The following SLC44A5 variants were observed in gnomAD, a reference collection of about 807,000 sequenced individuals.
The protein encoded by SLC44A5 is choline transporter-like protein 5.
SLC44A5 carries 57 observed loss-of-function variants against 101.8 expected under a neutral mutation model. The ratio of observed to expected loss-of-function variants is 0.56; its 90% CI spans 0.45 to 0.70. The LOEUF is 0.70. SLC44A5 is among the 30% of genes least tolerant of loss of function. The pLI is 0.00. For missense variants in SLC44A5, 737 were observed against 853.1 expected, an observed-to-expected ratio of 0.86 and a Z score of 1.70; for synonymous variants, 281 against 290.9, an observed-to-expected ratio of 0.97 and a Z score of 0.35.
At chr1:75,522,362 A>ATTTT (rs1304885062) in intron 2 of SLC44A5, 9 of 151,518 alleles carry the variant, frequency 5.9e-5, no homozygotes, top group African/African-American at 2.2e-4. Context: ...TTTTTTAAAA[A>ATTTT]AAAAAAAAGA....
At position 75,288,987 on chromosome 1, in the gene SLC44A5, A is replaced by G. The variant is rs79703382; in HGVS notation, c.175+11625T>C. The stretch of plus-strand genomic sequence containing the variant: ...TAAGATCTGGGGAATAGTGGTTAGC[A>G]TATAATCTTGATGCCTTATAAAGAC... On this transcript the variant is annotated intron_variant, in intron 5 of 23. Transcript: ENST00000370859. Among the ~76,000 whole-genome samples, 760 of 152,326 alleles carry G rather than the reference A, an allele frequency of 5.0e-3. 8 individuals carry two copies. Among genetic ancestry groups the G allele is most frequent in the African/African-American group, 0.018 (732 of 41,580 alleles).
chr1:75,419,487 T>C (rs1481332369), intron 2 of SLC44A5, among the ~76,000 whole-genome samples: 6 of 149,312 alleles, frequency 4.0e-5, no homozygotes, highest in Non-Finnish European at 8.9e-5. Context: ...AAAAAAGGAC[T>C]GTTCGTGTGA....
chr1:75,474,953 T>C (rs1294977975), intron 2 of SLC44A5, among the ~76,000 whole-genome samples: 1 of 152,218 alleles, frequency 6.6e-6, no homozygotes, highest in East Asian at 1.9e-4. Context: ...AGACCTCTGG[T>C]AAGAGAGCAG....
intron 1 of SLC44A5, among the ~76,000 whole-genome samples, chr1:75,606,695 T>C (rs989307184): frequency 2.6e-5 from 4 of 152,028 alleles, no homozygotes; most frequent in African/African-American, 7.2e-5. Flanking sequence ...TTGACTTTCA[T>C]ATTAATTAAT....
chr1:75,488,039 A>G (rs1668244582), intron 2 of SLC44A5, among the ~76,000 whole-genome samples: 1 of 152,206 alleles, frequency 6.6e-6, no homozygotes, highest in South Asian at 2.1e-4. Context: ...TATGCTTCTT[A>G]TGAGAATCTA....
chr1:75,270,966 G>A (rs1370248887), intron 6 of SLC44A5, among the ~76,000 whole-genome samples: 1 of 152,110 alleles, frequency 6.6e-6, no homozygotes, highest in Non-Finnish European at 1.5e-5. Flanking sequence ...ACTAGAGATT[G>A]AGAGATTTGT....
At chr1:75,637,908 A>T in the SLC44A5 span, among the ~76,000 whole-genome samples, 1 of 152,042 alleles carries the variant, frequency 6.6e-6, no homozygotes, top group Non-Finnish European at 1.5e-5. Context: ...AGATATTAAA[A>T]TAGTGCTTGA....
At chr1:75,217,749 G>T in intron 18 of SLC44A5, 117 bp downstream of exon 18, 1 of 710,532 alleles carries the variant, frequency 1.4e-6, no homozygotes, top group Admixed American at 2.4e-5. Flanking sequence ...AACAGAACGG[G>T]TCCCAAATAT....
chr1:75,393,120 C>T (rs1661902599), intron 3 of SLC44A5, among the ~76,000 whole-genome samples: 1 of 152,124 alleles, frequency 6.6e-6, no homozygotes, highest in Admixed American at 6.6e-5. Flanking sequence ...ATGCAATATA[C>T]TCTTGTAACA....
chr1:75,650,732 A>G, the SLC44A5 span, among the ~76,000 whole-genome samples: 1 of 152,088 alleles, frequency 6.6e-6, no homozygotes, highest in African/African-American at 2.4e-5. Flanking sequence ...CGATTCTCCC[A>G]CCTCAGCCTC....
At chr1:75,450,930 G>A (rs574619960) in intron 2 of SLC44A5, among the ~76,000 whole-genome samples, 1 of 152,300 alleles carries the variant, frequency 6.6e-6, no homozygotes, top group South Asian at 2.1e-4. Context: ...GACTTAGAGT[G>A]TGTTACAGCA....
chr1:75,426,581 T>TA (rs1664320998), intron 2 of SLC44A5, among the ~76,000 whole-genome samples: 1 of 152,222 alleles, frequency 6.6e-6, no homozygotes, highest in Non-Finnish European at 1.5e-5. Flanking sequence ...TTTGTCTTCC[T>TA]AAAAAAATTA....
chr1:75,507,005 G>A (rs1445749323), intron 2 of SLC44A5, among the ~76,000 whole-genome samples: 1 of 147,948 alleles, frequency 6.8e-6, no homozygotes, highest in Non-Finnish European at 1.5e-5. Context: ...TGCCTCCCAG[G>A]CTAAGTGATC....
chr1:75,299,350 C>T (rs1654235907), intron 5 of SLC44A5, among the ~76,000 whole-genome samples: 1 of 152,116 alleles, frequency 6.6e-6, no homozygotes, highest in African/African-American at 2.4e-5. Context: ...GTAGCTTTTG[C>T]ATGGCAATAT....
intron 1 of SLC44A5, among the ~76,000 whole-genome samples, chr1:75,544,262 A>G (rs979250134): frequency 6.6e-6 from 1 of 152,118 alleles, no homozygotes; most frequent in Admixed American, 6.5e-5. Context: ...TTCTGCCATT[A>G]TGATACAGCA....
chr1:75,418,366 G>A (rs531088644), intron 2 of SLC44A5, among the ~76,000 whole-genome samples: 3 of 152,318 alleles, frequency 2.0e-5, no homozygotes, highest in East Asian at 3.9e-4. Flanking sequence ...CAAAGAAAAC[G>A]TAACTAGTAA....
chr1:75,642,423 T>C, the SLC44A5 span, among the ~76,000 whole-genome samples: 2 of 152,250 alleles, frequency 1.3e-5, no homozygotes, highest in East Asian at 3.9e-4. Context: ...GTCAAGCCCA[T>C]TCAGGTCTAG....
intron 9 of SLC44A5, 95 bp downstream of exon 9, chr1:75,241,906 T>C (rs1239856633): frequency 3.7e-6 from 4 of 1,085,082 alleles, no homozygotes; most frequent in Non-Finnish European, 5.6e-6. Context: ...AGGACCATTC[T>C]TGGCCTCAGT....
the SLC44A5 span, among the ~76,000 whole-genome samples, chr1:75,642,409 G>T: frequency 6.6e-6 from 1 of 152,090 alleles, no homozygotes; most frequent in Non-Finnish European, 1.5e-5. Context: ...GCAGCTGTGA[G>T]ATGGTCAAGC....
Sources: allele counts gnomAD v4.1 joint callset (sites outside exome capture counted in the v4.1 genomes callset), GRCh38; gene constraint gnomAD v4.1.1; transcripts MANE v1.5; gene names NCBI Gene and HGNC (gene_info 2026-07-23, HGNC 2026-07-21).